The following KCNIP4 variants were observed in gnomAD, a reference collection of about 807,000 sequenced individuals.
KCNIP4 encodes the protein potassium voltage-gated channel interacting protein 4.
In KCNIP4, 12 loss-of-function variants were observed where a neutral mutation model predicts 34.0. The ratio of observed to expected loss-of-function variants is 0.35; its 90% CI spans 0.23 to 0.57. The LOEUF (loss-of-function observed/expected upper bound fraction) is 0.57. Ranked by LOEUF, KCNIP4 falls within the 20% of genes least tolerant of loss-of-function variation. The probability of loss-of-function intolerance (pLI) is 0.83; values close to 1 mark genes in which losing one functional copy is unlikely to be tolerated. For missense variants in KCNIP4, 238 were observed against 311.7 expected (o/e 0.76, Z 1.78); for synonymous variants, 124 against 102.2 (o/e 1.21, Z -1.29).
At chr4:21,678,109 G>A (rs116790048) in intron 1 of KCNIP4, among the ~76,000 whole-genome samples, 1,667 of 152,066 alleles carry the variant, frequency 0.011, 32 homozygotes, top group African/African-American at 0.033. Flanking sequence ...CTCTGTGAAG[G>A]GTCAGATGGT....
intron 1 of KCNIP4, among the ~76,000 whole-genome samples, chr4:21,751,271 T>C (rs1560686422): frequency 6.6e-6 from 1 of 152,150 alleles, no homozygotes; most frequent in Non-Finnish European, 1.5e-5. Context: ...TTGGATTGTA[T>C]GCAAACAAAC....
intron 1 of KCNIP4, among the ~76,000 whole-genome samples, chr4:21,531,668 C>T (rs1736695149): frequency 6.6e-6 from 1 of 151,806 alleles, no homozygotes; most frequent in Non-Finnish European, 1.5e-5. Context: ...TGAGCCACCG[C>T]ACCCGGCCTA....
At chr4:21,404,710 A>T (rs1723826640) in intron 1 of KCNIP4, among the ~76,000 whole-genome samples, 1 of 152,210 alleles carries the variant, frequency 6.6e-6, no homozygotes, top group East Asian at 1.9e-4. Flanking sequence ...CTATTATGTT[A>T]TAAACCAACC....
At chr4:21,764,520 C>T (rs1718275194) in intron 1 of KCNIP4, among the ~76,000 whole-genome samples, 1 of 151,986 alleles carries the variant, frequency 6.6e-6, no homozygotes, top group Admixed American at 6.6e-5. Flanking sequence ...CATATTGGTA[C>T]CCATAGTTGG....
At chr4:21,685,867 G>C (rs1359538665) in intron 1 of KCNIP4, among the ~76,000 whole-genome samples, 1 of 152,200 alleles carries the variant, frequency 6.6e-6, no homozygotes, top group Non-Finnish European at 1.5e-5. Context: ...GATAGGCTAG[G>C]AGGGCATCAT....
chr4:21,345,600 G>T (rs151053065), intron 1 of KCNIP4, among the ~76,000 whole-genome samples: 1 of 152,098 alleles, frequency 6.6e-6, no homozygotes, highest in South Asian at 2.1e-4. Context: ...AATTAGAGCT[G>T]TAGAAATAAG....
rs1318989530 is a variant in KCNIP4 at position 21,604,337 on chromosome 4, A to T, written c.61+344234T>A. The stretch of plus-strand genomic sequence containing the variant: ...TTAGTTGCTCTTGCTATCCATTTAT[A>T]GATAAAGAAACTCTAGAACAAGGGG... On this transcript the variant is annotated intron_variant, in intron 1 of 8. Transcript: ENST00000382152. 2.0e-5 allele frequency among the ~76,000 whole-genome samples: 3 copies of T among 152,280 alleles called. No individual in the cohort carries two copies. The East Asian group carries it at 5.8e-4, about 29-fold the overall frequency.
At chr4:21,389,138 A>C (rs1050543959) in intron 1 of KCNIP4, among the ~76,000 whole-genome samples, 1 of 151,840 alleles carries the variant, frequency 6.6e-6, no homozygotes, top group Non-Finnish European at 1.5e-5. Context: ...GGTGTGTGCC[A>C]CCATACCTAA....
intron 1 of KCNIP4, among the ~76,000 whole-genome samples, chr4:20,907,569 TG>T (rs1487898243): frequency 1.3e-5 from 2 of 152,198 alleles, no homozygotes; most frequent in Non-Finnish European, 2.9e-5. Flanking sequence ...TTGAGTAAAC[TG>T]CTATGGACAA....
chr4:21,515,931 G>A (rs1009506797), intron 1 of KCNIP4, among the ~76,000 whole-genome samples: 4 of 151,972 alleles, frequency 2.6e-5, no homozygotes, highest in Non-Finnish European at 5.9e-5. Flanking sequence ...CCAGTCTGTG[G>A]TATTCTATTA....
intron 1 of KCNIP4, among the ~76,000 whole-genome samples, chr4:21,253,448 T>C (rs1208440329): frequency 6.6e-6 from 1 of 152,196 alleles, no homozygotes; most frequent in East Asian, 1.9e-4. Flanking sequence ...ACTAATTCAT[T>C]CAAACTCCTT....
chr4:20,905,055 C>T (rs1410069738), intron 1 of KCNIP4, among the ~76,000 whole-genome samples: 1 of 152,152 alleles, frequency 6.6e-6, no homozygotes, highest in Non-Finnish European at 1.5e-5. Context: ...GTTCTGCTTG[C>T]TGAAATGACA....
intron 1 of KCNIP4, among the ~76,000 whole-genome samples, chr4:21,820,943 G>T (rs116147028): frequency 0.015 from 2,326 of 152,100 alleles, 55 homozygotes; most frequent in African/African-American, 0.053. Flanking sequence ...ACTGAACATG[G>T]TTATCACTGA....
intron 1 of KCNIP4, among the ~76,000 whole-genome samples, chr4:21,693,313 C>G (rs997321192): frequency 6.6e-5 from 10 of 152,154 alleles, no homozygotes; most frequent in Non-Finnish European, 1.2e-4. Context: ...ATAATCCCAG[C>G]ACTTTGGGAG....
chr4:20,790,469 T>C lies in KCNIP4; in HGVS notation c.289-31579A>G, dbSNP rs956724609. ...TTTTAATTTTTAAAAGCATTTAAACTCTTGTAATAACACAGCTTAAAACAC... is the reference window on the plus strand; with the variant it reads ...TTTTAATTTTTAAAAGCATTTAAACCCTTGTAATAACACAGCTTAAAACAC... On this transcript the variant is annotated intron_variant, in intron 3 of 8. Transcript: ENST00000382152. 2.6e-5 allele frequency among the ~76,000 whole-genome samples: 4 copies of C among 152,198 alleles called. No homozygotes were observed. The South Asian group carries it at 6.2e-4, about 24-fold the overall frequency.
intron 1 of KCNIP4, among the ~76,000 whole-genome samples, chr4:21,285,690 A>C (rs114415762): frequency 0.011 from 1,731 of 152,038 alleles, 26 homozygotes; most frequent in African/African-American, 0.037. Flanking sequence ...CAAAACAAAA[A>C]AAAAGCCAGG....
At chr4:21,173,446 G>A (rs187280979) in intron 1 of KCNIP4, among the ~76,000 whole-genome samples, 8 of 152,268 alleles carry the variant, frequency 5.3e-5, no homozygotes, top group African/African-American at 1.7e-4. Context: ...GGTTTCAACA[G>A]TCAATAGCAG....
intron 1 of KCNIP4, among the ~76,000 whole-genome samples, chr4:21,304,844 G>T (rs892498809): frequency 2.0e-5 from 3 of 151,992 alleles, no homozygotes; most frequent in Non-Finnish European, 4.4e-5. Flanking sequence ...TTAGAGTTTA[G>T]CAGCTACCTC....
At chr4:21,834,667 T>G (rs1723206594) in intron 1 of KCNIP4, among the ~76,000 whole-genome samples, 1 of 152,068 alleles carries the variant, frequency 6.6e-6, no homozygotes, top group South Asian at 2.1e-4. Flanking sequence ...CCCTGTCTTG[T>G]GCCAGTTTTC....
Sources: gnomAD v4.1 joint callset for allele counts (sites outside exome capture counted in the v4.1 genomes callset) on GRCh38, gnomAD v4.1.1 for gene constraint, MANE v1.5 for transcripts, NCBI Gene and HGNC (gene_info 2026-07-23, HGNC 2026-07-21) for gene names.